ANKHD1: variants seen among roughly 807,000 people sequenced by gnomAD.
The protein encoded by ANKHD1 is ankyrin repeat and KH domain-containing protein 1.
A neutral mutation model predicts 230.5 loss-of-function variants in ANKHD1; 31 were observed. That is an observed-to-expected ratio of 0.13 (90% CI 0.10 to 0.18). The LOEUF is 0.18. Ranked by LOEUF, ANKHD1 falls within the 10% of genes least tolerant of loss-of-function variation. ANKHD1 has a pLI of 1.00. For missense variants in ANKHD1, 2,256 were observed against 3,071.3 expected, an observed-to-expected ratio of 0.73 and a Z score of 6.27; for synonymous variants, 1,074 against 1,117.6, an observed-to-expected ratio of 0.96 and a Z score of 0.78.
rs139097656 is a variant in ANKHD1, at chr5:140,499,648, A to G, written c.3004+2370A>G. Among the ~76,000 whole-genome samples, 85 of 152,192 alleles carry G rather than the reference A, an allele frequency of 5.6e-4. 1 individual carries two copies. The East Asian group carries it at 0.016, about 29-fold the overall frequency. On this transcript the variant is annotated intron_variant, in intron 15 of 33. Coordinates refer to ENST00000360839, the MANE Select transcript of ANKHD1 (RefSeq NM_017747.3). Reference sequence around the variant, plus strand: ...ACTTAGCCCTTTAGTGTGTTGTTTGATACGTGTCATACATGATGTAGTTCC... The same window carrying G: ...ACTTAGCCCTTTAGTGTGTTGTTTGGTACGTGTCATACATGATGTAGTTCC...
Position 140,528,390 on chromosome 5 carries a change from T to G in ANKHD1, c.5444T>G (p.Val1815Gly). Residue 1815 changes from valine (V) to glycine (G), a missense_variant, in exon 29 of 34, where the codon GTA (valine) becomes GGA (glycine). By Grantham distance (109) the Val-to-Gly change is moderately radical (BLOSUM62 -3). Transcript: ENST00000360839. ...TTTCCTTTGGGTGCTCCAACTCTTG[T>G]AACTTCACAGGCAACAACGTTATCT... ...NAFPLGAPTL[V>G]TSQATTLSTF... The G allele has an allele frequency of 6.2e-7, 1 of 1,614,188 alleles. No individual in the cohort carries two copies. Among genetic ancestry groups the G allele is most frequent in the Non-Finnish European group, 8.5e-7 (1 of 1,180,040 alleles).
At chr5:140,497,731 A>G (rs532351227) in intron 15 of ANKHD1, among the ~76,000 whole-genome samples, 4 of 152,348 alleles carry the variant, frequency 2.6e-5, no homozygotes, top group East Asian at 1.9e-4. Context: ...TTCCAATTAA[A>G]TGGGATGTTC....
In ANKHD1 at chr5:140,485,029, A is replaced by T; in HGVS notation, c.1871-92A>T. 6.8e-7 allele frequency: 1 copy of T among 1,479,912 alleles called. No individual in the cohort carries two copies. Among genetic ancestry groups the T allele is most frequent in the Admixed American group, 2.1e-5 (1 of 46,614 alleles). 91.7% of individuals were successfully genotyped at this position (1,479,912 alleles called of 1,614,324 possible). A position where few individuals can be genotyped will look rare whatever the true frequency, so the allele number is the denominator to read the frequency against. On this transcript the variant is annotated intron_variant, in intron 11 of 33. Transcript: ENST00000360839. The surrounding 1 kb of genome is among the most constrained non-coding windows in gnomAD (Gnocchi z 4.8). ...GATTTGTATATTTTTTTGTATCTAC[A>T]TTATACTTCACAAAAAATTTTTAAA...
chr5:140,484,803 G>T, intron 11 of ANKHD1: 1 of 166,772 alleles, frequency 6.0e-6, no homozygotes, highest in Non-Finnish European at 1.3e-5. Context: ...TACATTGTAT[G>T]ATTCCGTTCA....
intron 10 of ANKHD1, among the ~76,000 whole-genome samples, chr5:140,472,783 A>G (rs921245039): frequency 2.2e-4 from 33 of 152,232 alleles, no homozygotes; most frequent in African/African-American, 4.8e-4. Flanking sequence ...GAAGTTTAAA[A>G]TTTTCTTCTT....
intron 10 of ANKHD1, 108 bp downstream of exon 10, chr5:140,464,884 A>G: frequency 2.6e-6 from 3 of 1,154,480 alleles, no homozygotes; most frequent in Non-Finnish European, 3.5e-6. Flanking sequence ...TGTATACAGT[A>G]ACTTAAAAAA....
chr5:140,439,248 A>T (rs950469805), intron 3 of ANKHD1, among the ~76,000 whole-genome samples: 2 of 152,240 alleles, frequency 1.3e-5, no homozygotes, highest in African/African-American at 2.4e-5. Context: ...ATTATATCCC[A>T]AAATATCTTT....
At chr5:140,426,745 C>T (rs1364054982) in intron 1 of ANKHD1, among the ~76,000 whole-genome samples, 1 of 152,162 alleles carries the variant, frequency 6.6e-6, no homozygotes, top group Non-Finnish European at 1.5e-5. Flanking sequence ...CTTCAAGCAT[C>T]TGTTTAACAA....
chr5:140,525,355 C>A (rs571808622), intron 25 of ANKHD1, among the ~76,000 whole-genome samples: 1 of 152,034 alleles, frequency 6.6e-6, no homozygotes, highest in South Asian at 2.1e-4. Flanking sequence ...CTCTGCCCCC[C>A]AGGTTCAGGT....
Position 140,444,162 on chromosome 5 carries a change from A to T in ANKHD1, c.914-1580A>T, listed in dbSNP as rs1774095732. On this transcript the variant is annotated intron_variant, in intron 5 of 33. Transcript: ENST00000360839. ...GATTATTATATACCATGCAGTAAGC[A>T]CATGCTCTTTGATGGGCTCCTCCGT... 2.1e-5 allele frequency among the ~76,000 whole-genome samples: 3 copies of T among 144,088 alleles called. 1 individual carries two copies. In the South Asian group the frequency reaches 6.8e-4, roughly 33 times the overall value. The allele number at this position is 144,088 out of a possible 152,430, so 94.5% of individuals were successfully genotyped here.
intron 24 of ANKHD1, among the ~76,000 whole-genome samples, chr5:140,519,506 C>T (rs1438830355): frequency 2.0e-5 from 3 of 152,208 alleles, no homozygotes; most frequent in Admixed American, 6.5e-5. Flanking sequence ...CTGGAGGCAT[C>T]ACACTACCTG....
Position 140,506,728 on chromosome 5 carries a change from C to T in ANKHD1, c.3409-107C>T. On this transcript the variant is annotated intron_variant, in intron 18 of 33. Coordinates refer to ENST00000360839, the MANE Select transcript of ANKHD1 (RefSeq NM_017747.3). The surrounding 1 kb of genome is among the most constrained non-coding windows in gnomAD (Gnocchi z 4.7). Reference sequence around the variant, plus strand: ...GTCTAATGAAATGTAATTAAAATATCAGATATTTAGATAAGGAAGTTATAA... The same window carrying T: ...GTCTAATGAAATGTAATTAAAATATTAGATATTTAGATAAGGAAGTTATAA... 6.8e-7 allele frequency: 1 copy of T among 1,469,144 alleles called. No individual in the cohort carries two copies. The highest frequency in any genetic ancestry group is 9.2e-7 in the Non-Finnish European group (1 of 1,087,800). The allele number at this position is 1,469,144 out of a possible 1,614,324, so 91.0% of individuals were successfully genotyped here.
Position 140,441,244 on chromosome 5 carries a change from A to G in ANKHD1, c.913+102A>G. 11 of 1,363,088 alleles carry G rather than the reference A, an allele frequency of 8.1e-6. 1 individual carries two copies. The highest frequency in any genetic ancestry group is 2.0e-4 in the Middle Eastern group (1 of 4,992). The allele number at this position is 1,363,088 out of a possible 1,614,324, so 84.4% of individuals were successfully genotyped here. A position where few individuals can be genotyped will look rare whatever the true frequency, so the allele number is the denominator to read the frequency against. On this transcript the variant is annotated intron_variant, in intron 5 of 33. Transcript: ENST00000360839. Reference sequence around the variant, plus strand: ...CTGAGGAAAACCAGTATAAACCTACAGAAAAATCTTAGCCCTTGTGTAGAA... The same window carrying G: ...CTGAGGAAAACCAGTATAAACCTACGGAAAAATCTTAGCCCTTGTGTAGAA...
chr5:140,443,687 A>G (rs1433313032), intron 5 of ANKHD1, among the ~76,000 whole-genome samples: 1 of 152,046 alleles, frequency 6.6e-6, no homozygotes, highest in Non-Finnish European at 1.5e-5. Context: ...CTATAAAAAA[A>G]AAAAAAAAAG....
chr5:140,432,950 C>T (rs192281951), intron 1 of ANKHD1, among the ~76,000 whole-genome samples: 2 of 151,996 alleles, frequency 1.3e-5, no homozygotes, highest in Non-Finnish European at 2.9e-5. Context: ...TGATCCCCCC[C>T]ACCCTGGCTT....
At chr5:140,414,149 T>A (rs991680673) in intron 1 of ANKHD1, among the ~76,000 whole-genome samples, 3 of 152,188 alleles carry the variant, frequency 2.0e-5, no homozygotes, top group Admixed American at 6.6e-5. Context: ...AATGCTGTTA[T>A]GAACATAGAT....
At position 140,414,837 on chromosome 5, in the gene ANKHD1, CAAA is replaced by C. The variant is rs35534779; in HGVS notation, c.306+12577_306+12579del. Among the ~76,000 whole-genome samples the C allele has an allele frequency of 7.9e-5, 11 of 138,832 alleles. No homozygotes were observed. In the East Asian group the frequency reaches 8.3e-4, roughly 10 times the overall value. 91.1% of individuals were successfully genotyped at this position (138,832 alleles called of 152,430 possible). A position where few individuals can be genotyped will look rare whatever the true frequency, so the allele number is the denominator to read the frequency against. On this transcript the variant is annotated intron_variant, in intron 1 of 33. Transcript: ENST00000360839. ...GGGTGACAAGAGTGAGACCCTGTCT[CAAA>C]AAAAAAAAAAAATTGTGTTGTTTGT...
At position 140,445,971 on chromosome 5, in the gene ANKHD1, C is replaced by T. The variant is rs1774247163; in HGVS notation, c.1143C>T (p.Tyr381=). The change falls in exon 6 of 34, where the codon TAC becomes TAT. Residue 381 remains tyrosine, a synonymous_variant. Transcript: ENST00000360839. ...FKESALTLAC[Y]KGHLDMVRFL... Reference sequence around the variant, plus strand: ...AAAGTGCTCTAACACTTGCTTGCTACAAAGGTACTTAATACATGTATGAAT... The same window carrying T: ...AAAGTGCTCTAACACTTGCTTGCTATAAAGGTACTTAATACATGTATGAAT... 8.8e-6 allele frequency: 14 copies of T among 1,594,590 alleles called. No homozygotes were observed. The highest frequency in any genetic ancestry group is 4.0e-5 in the African/African-American group (3 of 74,484).
intron 10 of ANKHD1, among the ~76,000 whole-genome samples, chr5:140,468,625 A>T (rs1561769694): frequency 6.6e-6 from 1 of 152,226 alleles, no homozygotes; most frequent in African/African-American, 2.4e-5. Flanking sequence ...TTTTTAAAAA[A>T]TTTAAACAAT....
Sources: gnomAD v4.1 joint callset for allele counts (sites outside exome capture counted in the v4.1 genomes callset) on GRCh38, gnomAD v4.1.1 for gene constraint, Gnocchi (gnomAD v3.1) non-coding constraint, MANE v1.5 for transcripts, NCBI Gene and HGNC (gene_info 2026-07-23, HGNC 2026-07-21) for gene names.